The following UBE2E2 variants were observed in gnomAD, a reference collection of about 807,000 sequenced individuals.
The protein encoded by UBE2E2 is ubiquitin conjugating enzyme E2 E2.
In UBE2E2, 6 loss-of-function variants were observed where a neutral mutation model predicts 24.7. The observed-to-expected ratio is 0.24, with a 90% CI of 0.13 to 0.48. UBE2E2 has a LOEUF of 0.48. Ranked by LOEUF, UBE2E2 falls within the 20% of genes least tolerant of loss-of-function variation. The probability of loss-of-function intolerance (pLI) is 0.99; values close to 1 mark genes in which losing one functional copy is unlikely to be tolerated. For synonymous variants in UBE2E2, 104 were observed against 83.6 expected (o/e 1.24, Z -1.33); for missense variants, 169 against 245.0 (o/e 0.69, Z 2.07).
At chr3:23,432,433 C>G (rs1359095650) in intron 3 of UBE2E2, among the ~76,000 whole-genome samples, 2 of 151,998 alleles carry the variant, frequency 1.3e-5, no homozygotes, top group Non-Finnish European at 2.9e-5. Flanking sequence ...TACTATAGGA[C>G]TTTAAACAAA....
At chr3:23,511,466 T>C (rs78894761) in intron 4 of UBE2E2, among the ~76,000 whole-genome samples, 1 of 152,152 alleles carries the variant, frequency 6.6e-6, no homozygotes, top group Non-Finnish European at 1.5e-5. Context: ...AGTGCAGAAA[T>C]GTTCAGCCAA....
At chr3:23,290,295 G>A (rs1012263342) in intron 3 of UBE2E2, among the ~76,000 whole-genome samples, 4 of 152,176 alleles carry the variant, frequency 2.6e-5, no homozygotes, top group Non-Finnish European at 5.9e-5. Context: ...AGCTGGTGAC[G>A]CTGCAAAGGG....
In UBE2E2 at chr3:23,506,376, T is replaced by G. The variant is rs867912177; in HGVS notation, c.360+6636T>G. 5.3e-5 allele frequency among the ~76,000 whole-genome samples: 8 copies of G among 152,334 alleles called. No individual in the cohort carries two copies. The Middle Eastern group carries it at 0.01, about 194-fold the overall frequency. Reference sequence around the variant, plus strand: ...ATCAGCCAGACCAGCTCCTCTAGTCTTCCCCATATCAATGAATGTCAGGTC... The same window carrying G: ...ATCAGCCAGACCAGCTCCTCTAGTCGTCCCCATATCAATGAATGTCAGGTC... On this transcript the variant is annotated intron_variant, in intron 4 of 5. Coordinates refer to ENST00000396703, the MANE Select transcript of UBE2E2 (RefSeq NM_152653.4).
At chr3:23,375,403 C>T (rs1171237178) in intron 3 of UBE2E2, among the ~76,000 whole-genome samples, 1 of 152,076 alleles carries the variant, frequency 6.6e-6, no homozygotes, top group African/African-American at 2.4e-5. Context: ...TTTGAGTTTT[C>T]GCTACTCTCA....
At chr3:23,230,262 A>C (rs1234466493) in intron 3 of UBE2E2, among the ~76,000 whole-genome samples, 2 of 152,222 alleles carry the variant, frequency 1.3e-5, no homozygotes, top group Non-Finnish European at 2.9e-5. Flanking sequence ...GAGGCTACTG[A>C]AACTGGAAAG....
chr3:23,355,851 A>G (rs879772430), intron 3 of UBE2E2, among the ~76,000 whole-genome samples: 5 of 152,242 alleles, frequency 3.3e-5, no homozygotes, highest in South Asian at 2.1e-4. Flanking sequence ...AAAGCAGTCT[A>G]TGCAGTTCGT....
intron 3 of UBE2E2, among the ~76,000 whole-genome samples, chr3:23,380,569 CAT>C (rs1375648577): frequency 2.0e-5 from 3 of 152,194 alleles, no homozygotes; most frequent in African/African-American, 7.2e-5. Flanking sequence ...ACCTTCTGCT[CAT>C]ATTTAATGCA....
At chr3:23,447,901 A>G (rs1698470035) in intron 3 of UBE2E2, among the ~76,000 whole-genome samples, 1 of 152,188 alleles carries the variant, frequency 6.6e-6, no homozygotes, top group Admixed American at 6.5e-5. Context: ...CATTCATGGC[A>G]TTTTGTGTGA....
At chr3:23,277,452 G>C (rs533874988) in intron 3 of UBE2E2, among the ~76,000 whole-genome samples, 6 of 152,216 alleles carry the variant, frequency 3.9e-5, no homozygotes, top group African/African-American at 1.2e-4. Flanking sequence ...TGTGTTTACT[G>C]TGTAAACCTC....
chr3:23,397,978 C>T (rs114867777), intron 3 of UBE2E2, among the ~76,000 whole-genome samples: 77 of 152,140 alleles, frequency 5.1e-4, no homozygotes, highest in Non-Finnish European at 7.8e-4. Flanking sequence ...GTTATATAGC[C>T]ACTTCTTACA....
Position 23,297,273 on chromosome 3 carries a change from G to A in UBE2E2, c.227+79961G>A, listed in dbSNP as rs561470320. Among the ~76,000 whole-genome samples, 1,270 of 151,984 alleles carry A rather than the reference G, an allele frequency of 8.4e-3. 17 individuals are homozygous for A. Among genetic ancestry groups the A allele is most frequent in the African/African-American group, 0.028 (1,165 of 41,440 alleles). ...ATTCTGTAGGTTGCCTGTTCACTCT[G>A]ATGGTAGTTTCTTTTGCTGTGCAGA... is the stretch of plus-strand genomic sequence containing the variant. On this transcript the variant is annotated intron_variant, in intron 3 of 5. Coordinates refer to ENST00000396703, the MANE Select transcript of UBE2E2 (RefSeq NM_152653.4).
intron 3 of UBE2E2, among the ~76,000 whole-genome samples, chr3:23,308,162 A>AG (rs765759922): frequency 2.4e-4 from 36 of 152,338 alleles, no homozygotes; most frequent in Non-Finnish European, 4.0e-4. Context: ...ATGTCTAAGA[A>AG]GAACAAAATG....
intron 3 of UBE2E2, among the ~76,000 whole-genome samples, chr3:23,394,453 A>C (rs1022637548): frequency 2.6e-5 from 4 of 152,088 alleles, no homozygotes; most frequent in Middle Eastern, 3.2e-3. Flanking sequence ...GAAAAAAGTG[A>C]ACTTTGGAAA....
chr3:23,537,881 A>G (rs1226723510), intron 5 of UBE2E2, among the ~76,000 whole-genome samples: 1 of 152,146 alleles, frequency 6.6e-6, no homozygotes, highest in Non-Finnish European at 1.5e-5. Flanking sequence ...ATTTCAGCAC[A>G]TTTATATTTG....
At chr3:23,523,087 A>T (rs1039033421) in intron 4 of UBE2E2, among the ~76,000 whole-genome samples, 5 of 150,360 alleles carry the variant, frequency 3.3e-5, no homozygotes, top group Middle Eastern at 3.4e-3. Flanking sequence ...TAACTAATTT[A>T]AAAAAAACAC....
At chr3:23,278,321 A>C (rs1347100836) in intron 3 of UBE2E2, among the ~76,000 whole-genome samples, 1 of 152,158 alleles carries the variant, frequency 6.6e-6, no homozygotes, top group African/African-American at 2.4e-5. Flanking sequence ...CTTAATCCAG[A>C]AAATTAAGAA....
chr3:23,554,035 TA>T (rs944546298), intron 5 of UBE2E2, among the ~76,000 whole-genome samples: 85 of 150,098 alleles, frequency 5.7e-4, no homozygotes, highest in Non-Finnish European at 7.4e-4. Context: ...CACATAAATT[TA>T]AAAAAAAAAT....
intron 4 of UBE2E2, among the ~76,000 whole-genome samples, chr3:23,505,779 G>C (rs985932358): frequency 3.9e-5 from 6 of 152,148 alleles, no homozygotes; most frequent in Admixed American, 1.3e-4. Context: ...ACTAATGTCA[G>C]CTAATGCGGA....
At chr3:23,472,653 CTTT>C (rs572862770) in intron 3 of UBE2E2, among the ~76,000 whole-genome samples, 1 of 143,452 alleles carries the variant, frequency 7.0e-6, no homozygotes, top group African/African-American at 2.6e-5. Flanking sequence ...ATCTGTAACA[CTTT>C]TTTTTTTTTT....
Sources: gnomAD v4.1 joint callset for allele counts (sites outside exome capture counted in the v4.1 genomes callset) on GRCh38, gnomAD v4.1.1 for gene constraint, MANE v1.5 for transcripts, NCBI Gene and HGNC (gene_info 2026-07-23, HGNC 2026-07-21) for gene names.